PFKP: variants seen among roughly 807,000 people sequenced by gnomAD.
PFKP encodes the protein ATP-dependent 6-phosphofructokinase, platelet type.
PFKP carries 101 observed loss-of-function variants against 94.3 expected under a neutral mutation model. The observed-to-expected ratio is 1.07, with a 90% CI of 0.91 to 1.26. PFKP has a LOEUF of 1.26. Ranked by LOEUF, PFKP falls within the 50% of genes most tolerant of loss-of-function variation. The pLI is 0.00. For missense variants in PFKP, 1,145 were observed against 1,103.3 expected, an observed-to-expected ratio of 1.04 and a Z score of -0.53; for synonymous variants, 573 against 432.6, an observed-to-expected ratio of 1.32 and a Z score of -4.03.
chr10:3,074,886 C>G (rs2388551), intron 1 of PFKP, among the ~76,000 whole-genome samples: 30,204 of 152,116 alleles, frequency 0.2, 3,215 homozygotes, highest in East Asian at 0.31. Context: ...CACACACACA[C>G]AAATAGAGGT....
intron 2 of PFKP, among the ~76,000 whole-genome samples, chr10:3,092,094 C>T (rs1002437200): frequency 2.6e-5 from 4 of 152,258 alleles, no homozygotes; most frequent in African/African-American, 4.8e-5. Context: ...ACCTGACCCC[C>T]GCCACCGGCC....
At chr10:3,132,497 A>G in intron 18 of PFKP, 56 bp downstream of exon 18, 1 of 1,245,892 alleles carries the variant, frequency 8.0e-7, no homozygotes, top group Non-Finnish European at 1.2e-6. Flanking sequence ...CCTGGTTCTT[A>G]GATTCTAGTC....
chr10:3,132,684 T>C (rs1251216469), intron 18 of PFKP, among the ~76,000 whole-genome samples: 6 of 152,182 alleles, frequency 3.9e-5, no homozygotes, highest in Admixed American at 3.9e-4. Flanking sequence ...TTTCCCTAAT[T>C]AGCACCTGAT....
At position 3,109,730 on chromosome 10, in the gene PFKP, T is replaced by C. The variant is rs988726592; in HGVS notation, c.1089+250T>C. ...ATCTGTGTGGCACATAGTCGTAACC[T>C]CCCCTGAGTGGGGGTCTAGAGCATC... On this transcript the variant is annotated intron_variant, in intron 10 of 21. Coordinates refer to ENST00000381125, the MANE Select transcript of PFKP (RefSeq NM_002627.5). 2.6e-5 allele frequency among the ~76,000 whole-genome samples: 4 copies of C among 152,254 alleles called. No individual in the cohort carries two copies. In the East Asian group the frequency reaches 7.7e-4, roughly 29 times the overall value.
intron 16 of PFKP, 49 bp downstream of exon 16, chr10:3,120,093 CG>C: frequency 1.3e-6 from 2 of 1,583,068 alleles, no homozygotes. Context: ...ACGCTAACCC[CG>C]GGGCCCCGGC....
intron 1 of PFKP, among the ~76,000 whole-genome samples, chr10:3,075,028 C>A (rs994588777): frequency 2.6e-5 from 4 of 152,192 alleles, no homozygotes; most frequent in African/African-American, 9.6e-5. Context: ...CTAAAAGTAT[C>A]CCTTATGGGA....
intron 1 of PFKP, chr10:3,070,189 C>T (rs374802656): frequency 6.6e-6 from 1 of 152,264 alleles, no homozygotes; most frequent in Non-Finnish European, 1.5e-5. Flanking sequence ...CTGTAAAGAG[C>T]TTTACCCTTC....
intron 16 of PFKP, among the ~76,000 whole-genome samples, chr10:3,128,525 C>T (rs1057388873): frequency 1.2e-4 from 18 of 152,192 alleles, no homozygotes; most frequent in Non-Finnish European, 2.2e-4. Context: ...AGCTCTGGAG[C>T]GCAGGAGCCA....
chr10:3,082,379 C>A lies in PFKP; in HGVS notation c.113-9C>A, dbSNP rs925627911. 5 of 1,602,286 alleles carry A rather than the reference C, an allele frequency of 3.1e-6. No individual in the cohort carries two copies. Among genetic ancestry groups the A allele is most frequent in the African/African-American group, 1.3e-5 (1 of 74,642 alleles). ...TCTTCAGTGACTCTTGCTCCTGTTTCCACTGCAGGTATGAACGCTGCCGTC... is the reference window on the plus strand; with the variant it reads ...TCTTCAGTGACTCTTGCTCCTGTTTACACTGCAGGTATGAACGCTGCCGTC... On this transcript the variant is annotated splice_polypyrimidine_tract_variant and intron_variant, in intron 1 of 21. Transcript: ENST00000381125.
chr10:3,090,369 C>G (rs1327178554), intron 2 of PFKP, among the ~76,000 whole-genome samples: 1 of 152,182 alleles, frequency 6.6e-6, no homozygotes, highest in East Asian at 1.9e-4. Flanking sequence ...GGTGTTTGCC[C>G]TCCTGTCTCC....
chr10:3,122,362 A>G (rs7919798), intron 16 of PFKP, among the ~76,000 whole-genome samples: 137,986 of 152,212 alleles, frequency 0.91, 62,670 homozygotes, highest in Non-Finnish European at 0.93. Context: ...GGGAGCTGGG[A>G]CAGAGAAGAG....
rs1355855746 is a variant in PFKP, at chr10:3,113,810, G to GT, written c.1371+292_1371+293insT. 7.1e-3 allele frequency among the ~76,000 whole-genome samples: 1,074 copies of GT among 152,292 alleles called. 12 individuals carry two copies. Among genetic ancestry groups the GT allele is most frequent in the African/African-American group, 0.024 (1,017 of 41,556 alleles). ...CCTGACATTAGGTGAGAAGGAAGGTGGCGTTGTCTCGGAGGCTGTGGTTTG... is the reference window on the plus strand; with the variant it reads ...CCTGACATTAGGTGAGAAGGAAGGTGTGCGTTGTCTCGGAGGCTGTGGTTTG... On this transcript the variant is annotated intron_variant, in intron 13 of 21. Coordinates refer to ENST00000381125, the MANE Select transcript of PFKP (RefSeq NM_002627.5).
At chr10:3,082,261 C>A in intron 1 of PFKP, 127 bp from the exon 2 acceptor site, 1 of 582,804 alleles carries the variant, frequency 1.7e-6, no homozygotes, top group Non-Finnish European at 3.1e-6. Flanking sequence ...GTGTGTGTAC[C>A]CATTTCTCAT....
chr10:3,112,934 G>A (rs1264748407), intron 11 of PFKP, among the ~76,000 whole-genome samples, 185 bp from the exon 12 acceptor site: 4 of 152,192 alleles, frequency 2.6e-5, no homozygotes, highest in East Asian at 1.9e-4. Flanking sequence ...CACCAGACAC[G>A]GACAGCACCG....
rs1266259931 is a variant in PFKP at position 3,067,589 on chromosome 10, C to T, written c.-7C>T. The T allele has an allele frequency of 1.3e-6, 2 of 1,491,696 alleles. No individual in the cohort carries two copies. The highest frequency in any genetic ancestry group is 2.0e-5 in the Admixed American group (1 of 49,308). The allele number at this position is 1,491,696 out of a possible 1,614,324, so 92.4% of individuals were successfully genotyped here. A position where few individuals can be genotyped will look rare whatever the true frequency, so the allele number is the denominator to read the frequency against. On this transcript the variant is annotated 5_prime_UTR_variant, in exon 1 of 22. Coordinates refer to ENST00000381125, the MANE Select transcript of PFKP (RefSeq NM_002627.5). ...CCGGACGTGCGGCTCCCCTCGGCCT[C>T]CTCGCCATGGACGCGGACGACTCCC... is the stretch of plus-strand genomic sequence containing the variant.
chr10:3,101,553 C>G lies in PFKP; in HGVS notation c.453C>G (p.Asn151Lys). The change falls in exon 4 of 22, where the codon AAC becomes AAG. Residue 151 changes from asparagine to lysine, a missense_variant and splice_region_variant. Asn to Lys is a moderately conservative substitution (Grantham distance 94, BLOSUM62 0). Coordinates refer to ENST00000381125, the MANE Select transcript of PFKP (RefSeq NM_002627.5). ...GGCTGCTGGAGGAGCTGGCCAGGAA[C>G]GGTGAGTGGACACCTGCTCCTCTGT... The part of the protein sequence containing the change: ...WSGLLEELAR[N>K]GQIDKEAVQK... 1 of 1,531,816 alleles carries G rather than the reference C, an allele frequency of 6.5e-7. No homozygotes were observed. The highest frequency in any genetic ancestry group is 8.8e-7 in the Non-Finnish European group (1 of 1,138,950). 94.9% of individuals were successfully genotyped at this position (1,531,816 alleles called of 1,614,324 possible).
In PFKP at chr10:3,096,238, G is replaced by A. The variant is rs565506237; in HGVS notation, c.187-3037G>A. Among the ~76,000 whole-genome samples the A allele has an allele frequency of 3.9e-5, 6 of 152,290 alleles. 1 individual carries two copies. In the East Asian group the frequency reaches 1.2e-3, roughly 29 times the overall value. Reference sequence around the variant, plus strand: ...GCGTCCGGGATAGCGCGTGCTCCAGGAATACTCTGAAAGCTGATGCCGTTA... The same window carrying A: ...GCGTCCGGGATAGCGCGTGCTCCAGAAATACTCTGAAAGCTGATGCCGTTA... On this transcript the variant is annotated intron_variant, in intron 2 of 21. Coordinates refer to ENST00000381125, the MANE Select transcript of PFKP (RefSeq NM_002627.5).
At chr10:3,125,661 A>C (rs1837871105) in intron 16 of PFKP, among the ~76,000 whole-genome samples, 1 of 152,200 alleles carries the variant, frequency 6.6e-6, no homozygotes, top group South Asian at 2.1e-4. Flanking sequence ...GCTGCCTGGA[A>C]AACAGCCTTC....
chr10:3,114,646 TG>T (rs1252929662), intron 13 of PFKP, among the ~76,000 whole-genome samples: 1 of 152,132 alleles, frequency 6.6e-6, no homozygotes, highest in African/African-American at 2.4e-5. Flanking sequence ...ACAGCAATGC[TG>T]GGGAAGGTGC....
Sources: gnomAD v4.1 joint callset for allele counts (sites outside exome capture counted in the v4.1 genomes callset) on GRCh38, gnomAD v4.1.1 for gene constraint, MANE v1.5 for transcripts, NCBI Gene and HGNC (gene_info 2026-07-23, HGNC 2026-07-21) for gene names.